Variants in STPG2 observed in about 807,000 individuals in gnomAD.
The protein encoded by STPG2 is sperm tail PG-rich repeat containing 2.
A neutral mutation model predicts 54.2 loss-of-function variants in STPG2; 56 were observed. The observed-to-expected ratio is 1.03, with a 90% confidence interval of 0.83 to 1.29. The LOEUF (loss-of-function observed/expected upper bound fraction) is 1.29. Among genes scored for constraint, STPG2 ranks in the 50% most tolerant of loss-of-function variants. The pLI is 0.00. For synonymous variants in STPG2, 200 were observed against 181.8 expected (o/e 1.10, Z -0.81); for missense variants, 596 against 544.9 (o/e 1.09, Z -0.93).
At chr4:98,044,755 A>G (rs1490883872) in intron 5 of STPG2, among the ~76,000 whole-genome samples, 1 of 152,158 alleles carries the variant, frequency 6.6e-6, no homozygotes, top group African/African-American at 2.4e-5. Flanking sequence ...GAATGTTCAC[A>G]CTGGTTAATC....
intron 4 of STPG2, among the ~76,000 whole-genome samples, chr4:97,466,118 T>C (rs1021523497): frequency 6.6e-6 from 1 of 151,988 alleles, no homozygotes; most frequent in African/African-American, 2.4e-5. Context: ...TACCAAAAGG[T>C]AATAAAAAAG....
At chr4:97,918,462 C>G (rs1731969280) in intron 8 of STPG2, among the ~76,000 whole-genome samples, 1 of 152,056 alleles carries the variant, frequency 6.6e-6, no homozygotes, top group Admixed American at 6.6e-5. Context: ...TACACACACA[C>G]AAACACACAC....
intron 9 of STPG2, among the ~76,000 whole-genome samples, chr4:97,737,984 G>A (rs1321073620): frequency 6.6e-6 from 1 of 152,128 alleles, no homozygotes; most frequent in African/African-American, 2.4e-5. Flanking sequence ...ACCCACAAAG[G>A]GAAGCCCATC....
chr4:97,622,812 G>C (rs1469523404), intron 10 of STPG2, among the ~76,000 whole-genome samples: 3 of 151,972 alleles, frequency 2.0e-5, no homozygotes, highest in South Asian at 2.1e-4. Context: ...AAAAGCCAAA[G>C]TAATCCTAAG....
At chr4:98,049,832 T>C (rs139034518) in intron 5 of STPG2, among the ~76,000 whole-genome samples, 3 of 152,144 alleles carry the variant, frequency 2.0e-5, no homozygotes, top group Admixed American at 6.5e-5. Flanking sequence ...TCCCTCCTGA[T>C]TTTTTTAGTA....
chr4:97,940,008 T>A (rs887870652), intron 8 of STPG2, among the ~76,000 whole-genome samples: 2 of 152,192 alleles, frequency 1.3e-5, no homozygotes, highest in Non-Finnish European at 2.9e-5. Context: ...GGTAATGAAC[T>A]CCCTCAACAT....
intron 10 of STPG2, among the ~76,000 whole-genome samples, chr4:97,564,268 T>C (rs1732355366): frequency 6.6e-6 from 1 of 152,220 alleles, no homozygotes. Flanking sequence ...CTGCCTTTTT[T>C]TGTTTTCCAC....
At chr4:97,997,914 C>T (rs1234717261) in intron 5 of STPG2, among the ~76,000 whole-genome samples, 1 of 151,988 alleles carries the variant, frequency 6.6e-6, no homozygotes, top group African/African-American at 2.4e-5. Flanking sequence ...CCAGGTACCC[C>T]GAACCTAAAA....
intron 5 of STPG2, among the ~76,000 whole-genome samples, chr4:97,990,926 T>C (rs889995664): frequency 1.3e-5 from 2 of 152,188 alleles, no homozygotes; most frequent in African/African-American, 4.8e-5. Context: ...CATTTTTTTC[T>C]TCCAATAGGT....
intron 9 of STPG2, among the ~76,000 whole-genome samples, chr4:97,818,127 G>T (rs1316554200): frequency 1.3e-5 from 2 of 151,586 alleles, no homozygotes; most frequent in African/African-American, 2.4e-5. Flanking sequence ...AGCTTTTATT[G>T]ATTTATAAAT....
intron 8 of STPG2, among the ~76,000 whole-genome samples, chr4:97,920,621 G>T (rs929240796): frequency 1.3e-5 from 2 of 152,080 alleles, no homozygotes; most frequent in African/African-American, 4.8e-5. Context: ...TGCCACAGAG[G>T]ATTTATATCC....
At chr4:98,120,841 C>T (rs1739657785) in intron 3 of STPG2, among the ~76,000 whole-genome samples, 1 of 152,258 alleles carries the variant, frequency 6.6e-6, no homozygotes, top group South Asian at 2.1e-4. Context: ...AAAATTTTCT[C>T]CCATTCTGTA....
chr4:97,953,462 G>C (rs1161379868), intron 7 of STPG2, among the ~76,000 whole-genome samples: 2 of 152,166 alleles, frequency 1.3e-5, no homozygotes, highest in African/African-American at 4.8e-5. Context: ...TGTAAAGCTA[G>C]GGTGTGCAGC....
intron 4 of STPG2, among the ~76,000 whole-genome samples, chr4:97,516,574 G>T (rs1007560564): frequency 6.6e-6 from 1 of 152,002 alleles, no homozygotes; most frequent in African/African-American, 2.4e-5. Context: ...TGTAATCCCA[G>T]CACTTTGGGA....
Position 98,123,268 on chromosome 4 carries a change from T to C in STPG2, c.387+5160A>G, listed in dbSNP as rs558467998. On this transcript the variant is annotated intron_variant, in intron 3 of 10. Coordinates refer to ENST00000295268, the MANE Select transcript of STPG2 (RefSeq NM_174952.3). ...TTTGCTCTCGATTCTCTAGTTCTTT[T>C]AGTTGTAATGTTAGAGTGTAGATTT... 2.0e-5 allele frequency among the ~76,000 whole-genome samples: 3 copies of C among 152,326 alleles called. No individual in the cohort carries two copies. The East Asian group carries it at 5.8e-4, about 29-fold the overall frequency.
intron 10 of STPG2, among the ~76,000 whole-genome samples, chr4:97,653,511 T>G (rs538341137): frequency 2.0e-5 from 3 of 152,138 alleles, no homozygotes; most frequent in African/African-American, 7.2e-5. Flanking sequence ...ATTTTTTATG[T>G]TTTAAATGGG....
intron 5 of STPG2, among the ~76,000 whole-genome samples, chr4:98,103,120 AAC>A (rs1281307905): frequency 6.6e-6 from 1 of 151,784 alleles, no homozygotes; most frequent in Non-Finnish European, 1.5e-5. Flanking sequence ...TCTTCTTTTA[AAC>A]AGTTATTGCA....
intron 5 of STPG2, among the ~76,000 whole-genome samples, chr4:98,064,576 A>C (rs1223371348): frequency 6.6e-6 from 1 of 152,200 alleles, no homozygotes. Context: ...CTTGTTTAAA[A>C]CTTCATATTG....
rs544825937 is a variant in STPG2, at chr4:97,459,831, G to A, written c.462+252868C>T. 2.0e-5 allele frequency among the ~76,000 whole-genome samples: 3 copies of A among 152,228 alleles called. No homozygotes were observed. In the South Asian group the frequency reaches 6.2e-4, roughly 32 times the overall value. On this transcript the variant is annotated intron_variant, in intron 4 of 4. Coordinates refer to the STPG2 transcript ENST00000522676. Reference sequence around the variant, plus strand: ...AGTTTTGTAAAATCTATATTAGTGTGTTGATTGGGTCCTTCTAATCACCGA... The same window carrying A: ...AGTTTTGTAAAATCTATATTAGTGTATTGATTGGGTCCTTCTAATCACCGA...
Sources: allele counts gnomAD v4.1 joint callset (sites outside exome capture counted in the v4.1 genomes callset), GRCh38; gene constraint gnomAD v4.1.1; transcripts MANE v1.5; gene names NCBI Gene and HGNC (gene_info 2026-07-23, HGNC 2026-07-21).